The following ITGAM variants were observed in gnomAD, a reference collection of about 807,000 sequenced individuals.
ITGAM encodes the protein integrin subunit alpha M.
Under a neutral mutation model 137.5 loss-of-function variants are expected in ITGAM, and 79 were observed. The observed-to-expected ratio is 0.57, with a 90% confidence interval of 0.48 to 0.69. ITGAM has a LOEUF of 0.69. Among genes scored for constraint, ITGAM ranks in the 30% least tolerant of loss-of-function variants. ITGAM has a pLI of 0.00. For synonymous variants in ITGAM, 583 were observed against 592.3 expected (o/e 0.98, Z 0.23); for missense variants, 1,343 against 1,483.5 (o/e 0.91, Z 1.56).
At chr16:31,290,215 A>G (rs1254220583) in intron 12 of ITGAM, among the ~76,000 whole-genome samples, 3 of 152,238 alleles carry the variant, frequency 2.0e-5, no homozygotes, top group East Asian at 3.9e-4. Flanking sequence ...CCATCAAGCC[A>G]GAAAGTAAAT....
chr16:31,280,192 T>C (rs948963383), intron 12 of ITGAM, among the ~76,000 whole-genome samples: 2 of 152,216 alleles, frequency 1.3e-5, no homozygotes, highest in African/African-American at 4.8e-5. Context: ...CTTTGTTCTT[T>C]TGGCTTAGGA....
intron 21 of ITGAM, 93 bp downstream of exon 21, chr16:31,325,715 G>C: frequency 1.4e-6 from 2 of 1,435,012 alleles, no homozygotes; most frequent in East Asian, 4.6e-5. Flanking sequence ...GTTCCTTTTT[G>C]TACAAAACAG....
At chr16:31,266,612 A>T (rs2079771275) in intron 5 of ITGAM, among the ~76,000 whole-genome samples, 1 of 151,412 alleles carries the variant, frequency 6.6e-6, no homozygotes, top group Non-Finnish European at 1.5e-5. Context: ...AGTCCCAGCT[A>T]CTCAGGAGGA....
At chr16:31,285,612 G>A (rs1200376823) in intron 12 of ITGAM, among the ~76,000 whole-genome samples, 1 of 152,102 alleles carries the variant, frequency 6.6e-6, no homozygotes, top group African/African-American at 2.4e-5. Flanking sequence ...ACTCCAGCCT[G>A]GATGACAGGG....
rs2080593058 is a variant in ITGAM at position 31,331,964 on chromosome 16, C to T, written c.*257C>T. The T allele has an allele frequency of 1.9e-6, 1 of 538,118 alleles. No individual in the cohort carries two copies. The highest frequency in any genetic ancestry group is 3.3e-6 in the Non-Finnish European group (1 of 303,878). The allele number at this position is 538,118 out of a possible 1,614,324, so 33.3% of individuals were successfully genotyped here. On this transcript the variant is annotated 3_prime_UTR_variant, in exon 30 of 30. Transcript: ENST00000544665. ...GTGTGTGCAAGTATGTGAGTGTGTC[C>T]AAGTGTGTGTGCGTGTGTCCATGTG...
chr16:31,273,744 G>T, intron 8 of ITGAM: 1 of 428,692 alleles, frequency 2.3e-6, no homozygotes, highest in Non-Finnish European at 4.2e-6. Context: ...CCTGCCAAGA[G>T]TTCTGGTCTC....
rs1042622866 is a variant in ITGAM at position 31,325,103 on chromosome 16, C to T, written c.2363+72C>T. 11 of 1,496,386 alleles carry T rather than the reference C, an allele frequency of 7.4e-6. No homozygotes were observed. In the East Asian group the frequency reaches 1.4e-4, roughly 19 times the overall value. 92.7% of individuals were successfully genotyped at this position (1,496,386 alleles called of 1,614,324 possible). On this transcript the variant is annotated intron_variant, in intron 19 of 29. Coordinates refer to ENST00000544665, the MANE Select transcript of ITGAM (RefSeq NM_000632.4). ...ATGACCCGCTCTTTTCTCCTCCTGG[C>T]CCCCAAGGGAGCCGGGTGTTCCTGG... is the stretch of plus-strand genomic sequence containing the variant.
At position 31,261,679 on chromosome 16, in the gene ITGAM, A is replaced by C. The variant is rs1278380841; in HGVS notation, c.29-13A>C. The C allele has an allele frequency of 2.5e-6, 4 of 1,578,162 alleles. No homozygotes were observed. The Admixed American group carries it at 6.9e-5, about 27-fold the overall frequency. On this transcript the variant is annotated splice_polypyrimidine_tract_variant and intron_variant, in intron 1 of 29. Coordinates refer to ENST00000544665, the MANE Select transcript of ITGAM (RefSeq NM_000632.4). ...CTTTCCTCTGCTTGATCCTTCCCCC[A>C]TTCTCCCTTTAGCCTTGACCTTATG...
chr16:31,284,909 A>C (rs1052499102), intron 12 of ITGAM, among the ~76,000 whole-genome samples: 1 of 152,136 alleles, frequency 6.6e-6, no homozygotes, highest in Non-Finnish European at 1.5e-5. Context: ...ATGTTGGCTC[A>C]TGCCTGTAAT....
chr16:31,302,395 C>CTTTCTTT (rs2080206518), intron 14 of ITGAM, among the ~76,000 whole-genome samples: 2 of 142,212 alleles, frequency 1.4e-5, no homozygotes, highest in South Asian at 4.3e-4. Context: ...TTTCTTTTTT[C>CTTTCTTT]TTTTCTTTTC....
Position 31,297,668 on chromosome 16 carries a change from G to A in ITGAM, c.1497+14G>A. The A allele has an allele frequency of 6.2e-7, 1 of 1,610,542 alleles. No individual in the cohort carries two copies. The highest frequency in any genetic ancestry group is 8.5e-7 in the Non-Finnish European group (1 of 1,178,724). ...TTGCCCAGGGGGGTGAGTGGCAATG[G>A]GACCTGGGCTGGGTGGGGCCCGGTG... On this transcript the variant is annotated intron_variant, in intron 13 of 29. Transcript: ENST00000544665.
chr16:31,317,419 A>C (rs1470943711), intron 14 of ITGAM, among the ~76,000 whole-genome samples: 1 of 152,108 alleles, frequency 6.6e-6, no homozygotes, highest in Non-Finnish European at 1.5e-5. Flanking sequence ...TTAGGTCATG[A>C]GAGTGTGGCC....
Position 31,331,870 on chromosome 16 carries a change from A to C in ITGAM, c.*163A>C. The C allele has an allele frequency of 1.7e-6, 1 of 598,000 alleles. No homozygotes were observed. Among genetic ancestry groups the C allele is most frequent in the African/African-American group, 1.9e-5 (1 of 51,852 alleles). 37.0% of individuals were successfully genotyped at this position (598,000 alleles called of 1,614,324 possible). A position where few individuals can be genotyped will look rare whatever the true frequency, so the allele number is the denominator to read the frequency against. Reference sequence around the variant, plus strand: ...GCAAGTGTGTATGTGCGTGTGTGCAAGTGTCTGTGTGCAAGTGTGTGCACA... The same window carrying C: ...GCAAGTGTGTATGTGCGTGTGTGCACGTGTCTGTGTGCAAGTGTGTGCACA... On this transcript the variant is annotated 3_prime_UTR_variant, in exon 30 of 30. Transcript: ENST00000544665.
chr16:31,264,057 C>T (rs1261168143), intron 2 of ITGAM, among the ~76,000 whole-genome samples: 6 of 151,852 alleles, frequency 4.0e-5, no homozygotes, highest in Admixed American at 2.6e-4. Context: ...AGGATGTTCT[C>T]GATTTCCTGA....
At chr16:31,328,292 ATC>A in intron 23 of ITGAM, 62 bp downstream of exon 23, 1 of 1,244,590 alleles carries the variant, frequency 8.0e-7, no homozygotes. Flanking sequence ...CTGATTGTGC[ATC>A]TGTGTGCATG....
chr16:31,318,965 G>A (rs1287929570), intron 14 of ITGAM, among the ~76,000 whole-genome samples: 2 of 151,788 alleles, frequency 1.3e-5, no homozygotes, highest in Admixed American at 6.6e-5. Context: ...TTATCCATTA[G>A]TTGTTCAATG....
chr16:31,328,264 C>G lies in ITGAM; in HGVS notation c.2792+34C>G, dbSNP rs2080529611. On this transcript the variant is annotated intron_variant, in intron 23 of 29. Coordinates refer to ENST00000544665, the MANE Select transcript of ITGAM (RefSeq NM_000632.4). ...TTCCAGGACTTTAGCTGAGCCTCCA[C>G]TTCTGGGCTGGACATGGCTGATTGT... is the stretch of plus-strand genomic sequence containing the variant. The G allele has an allele frequency of 2.6e-6, 4 of 1,523,880 alleles. No individual in the cohort carries two copies. In the African/African-American group the frequency reaches 4.1e-5, roughly 16 times the overall value. 94.4% of individuals were successfully genotyped at this position (1,523,880 alleles called of 1,614,324 possible). A position where few individuals can be genotyped will look rare whatever the true frequency, so the allele number is the denominator to read the frequency against.
chr16:31,309,455 C>T (rs1340597476), intron 14 of ITGAM, among the ~76,000 whole-genome samples: 155 of 138,866 alleles, frequency 1.1e-3, no homozygotes, highest in African/African-American at 3.4e-3. Flanking sequence ...GACTGTTTTA[C>T]CCGAGACTAG....
chr16:31,310,475 A>T (rs1294012187), intron 14 of ITGAM, among the ~76,000 whole-genome samples: 1 of 152,020 alleles, frequency 6.6e-6, no homozygotes, highest in African/African-American at 2.4e-5. Context: ...CCTTTCTTCC[A>T]GTTGATCGCG....
Sources: gnomAD v4.1 joint callset for allele counts (sites outside exome capture counted in the v4.1 genomes callset) on GRCh38, gnomAD v4.1.1 for gene constraint, MANE v1.5 for transcripts, NCBI Gene and HGNC (gene_info 2026-07-23, HGNC 2026-07-21) for gene names.